EBAG9: variants seen among roughly 807,000 people sequenced by gnomAD.
EBAG9 encodes receptor-binding cancer antigen expressed on SiSo cells.
EBAG9 carries 16 observed loss-of-function variants against 30.9 expected under a neutral mutation model. The observed-to-expected ratio is 0.52, with a 90% CI of 0.35 to 0.79. The LOEUF (loss-of-function observed/expected upper bound fraction) is 0.79. Ranked by LOEUF, EBAG9 falls within the 30% of genes least tolerant of loss-of-function variation. The pLI is 0.01. For synonymous variants in EBAG9, 93 were observed against 82.8 expected (o/e 1.12, Z -0.67); for missense variants, 197 against 242.1 (o/e 0.81, Z 1.24).
At chr8:109,546,571 G>A (rs1361676993) in intron 1 of EBAG9, among the ~76,000 whole-genome samples, 1 of 152,188 alleles carries the variant, frequency 6.6e-6, no homozygotes, top group Non-Finnish European at 1.5e-5. Flanking sequence ...AGCCCAGGAT[G>A]GCTTTGACTG....
In EBAG9 at chr8:109,554,714, A is replaced by G. The variant is rs1821561015; in HGVS notation, c.163-15A>G. On this transcript the variant is annotated splice_polypyrimidine_tract_variant and intron_variant, in intron 3 of 6. Transcript: ENST00000337573. Reference sequence around the variant, plus strand: ...TGCCCCTTTGTGGCTGATAATGTTGATCAATTAAATTTAGACAGATGTTGA... The same window carrying G: ...TGCCCCTTTGTGGCTGATAATGTTGGTCAATTAAATTTAGACAGATGTTGA... The G allele has an allele frequency of 6.2e-7, 1 of 1,608,648 alleles. No homozygotes were observed. Among genetic ancestry groups the G allele is most frequent in the East Asian group, 2.2e-5 (1 of 44,800 alleles).
chr8:109,554,718 A>G lies in EBAG9; in HGVS notation c.163-11A>G. The G allele has an allele frequency of 1.2e-6, 2 of 1,609,760 alleles. No individual in the cohort carries two copies. Among genetic ancestry groups the G allele is most frequent in the East Asian group, 2.2e-5 (1 of 44,804 alleles). ...CCTTTGTGGCTGATAATGTTGATCA[A>G]TTAAATTTAGACAGATGTTGAAGAG... On this transcript the variant is annotated splice_polypyrimidine_tract_variant and intron_variant, in intron 3 of 6. Coordinates refer to ENST00000337573, the MANE Select transcript of EBAG9 (RefSeq NM_004215.5).
intron 1 of EBAG9, among the ~76,000 whole-genome samples, chr8:109,542,607 G>A (rs1433960046): frequency 6.6e-6 from 1 of 151,958 alleles, no homozygotes; most frequent in Non-Finnish European, 1.5e-5. Context: ...GAAAATTTAG[G>A]CTAATTTTCA....
rs536381456 is a variant in EBAG9 at position 109,553,948 on chromosome 8, G to GT, written c.162+13dup. On this transcript the variant is annotated splice_donor_region_variant and intron_variant, in intron 3 of 6. Coordinates refer to ENST00000337573, the MANE Select transcript of EBAG9 (RefSeq NM_004215.5). The stretch of plus-strand genomic sequence containing the variant: ...TATTCATCAGTTCCTAAGCAGGTAG[G>GT]TTTTTTTTGTGTGTTCTTTTGTTTT... 7.4e-5 allele frequency: 117 copies of GT among 1,586,544 alleles called. No individual in the cohort carries two copies. Among genetic ancestry groups the GT allele is most frequent in the South Asian group, 1.2e-4 (10 of 84,742 alleles).
intron 2 of EBAG9, among the ~76,000 whole-genome samples, chr8:109,552,261 T>TA (rs57058526): frequency 5.0e-4 from 74 of 147,564 alleles, no homozygotes; most frequent in Non-Finnish European, 6.7e-4. Context: ...GTCTGGGATT[T>TA]AAAAAAAAAA....
chr8:109,553,090 G>T (rs1156829116), intron 2 of EBAG9, among the ~76,000 whole-genome samples: 1 of 150,464 alleles, frequency 6.6e-6, no homozygotes, highest in East Asian at 2.0e-4. Context: ...TAGATTATTT[G>T]AAGTGAAGTA....
chr8:109,556,974 C>T lies in EBAG9; in HGVS notation c.361C>T (p.Pro121Ser), dbSNP rs866321465. The T allele has an allele frequency of 1.2e-6, 2 of 1,602,758 alleles. No individual in the cohort carries two copies. The part of the protein sequence containing the change: ...KKREPLNFGI[P>S]DGSTGFSSRL... ...GAGAGAACCATTGAATTTTGGCATC[C>T]CAGATGGGAGCACAGGTTTCTCTAG... The change falls in exon 5 of 7, where the codon CCA becomes TCA. Residue 121 changes from proline (P) to serine (S), a missense_variant. Pro to Ser is a moderately conservative substitution (Grantham distance 74). Coordinates refer to ENST00000337573, the MANE Select transcript of EBAG9 (RefSeq NM_004215.5).
At chr8:109,547,823 C>T (rs922211153) in intron 1 of EBAG9, among the ~76,000 whole-genome samples, 1 of 151,908 alleles carries the variant, frequency 6.6e-6, no homozygotes, top group Non-Finnish European at 1.5e-5. Flanking sequence ...ACCTTTTGCT[C>T]GTTTTTAAAT....
intron 1 of EBAG9, among the ~76,000 whole-genome samples, chr8:109,545,740 TAA>T (rs1315830085): frequency 6.6e-6 from 1 of 152,206 alleles, no homozygotes; most frequent in East Asian, 1.9e-4. Context: ...ATCTCTTTCA[TAA>T]AGACATATAT....
chr8:109,549,347 A>T (rs1487019603), intron 1 of EBAG9, among the ~76,000 whole-genome samples: 1 of 152,012 alleles, frequency 6.6e-6, no homozygotes, highest in Non-Finnish European at 1.5e-5. Context: ...GAATATTAAT[A>T]GTTTTCTTTT....
chr8:109,554,409 T>C (rs1358150930), intron 3 of EBAG9, among the ~76,000 whole-genome samples: 2 of 152,228 alleles, frequency 1.3e-5, no homozygotes, highest in East Asian at 1.9e-4. Flanking sequence ...CTGGATAGGC[T>C]TGGGTGAAAA....
In EBAG9 at chr8:109,564,427, G is replaced by A. The variant is rs73700655; in HGVS notation, c.522-12G>A. On this transcript the variant is annotated splice_polypyrimidine_tract_variant and intron_variant, in intron 6 of 6. Coordinates refer to ENST00000337573, the MANE Select transcript of EBAG9 (RefSeq NM_004215.5). ...TGGTATTTTCTAAAAGTAAAAGTAT[G>A]TTTCTTTTCAGACAGCAGAAACTAG... The A allele has an allele frequency of 2.4e-3, 3,871 of 1,609,596 alleles. 93 individuals carry two copies. The African/African-American group carries it at 0.046, about 19-fold the overall frequency.
At chr8:109,558,210 G>T (rs1821639749) in intron 5 of EBAG9, among the ~76,000 whole-genome samples, 1 of 152,150 alleles carries the variant, frequency 6.6e-6, no homozygotes. Context: ...GTATATGTAT[G>T]TTTTTAATTC....
At chr8:109,551,123 C>G (rs972948248) in intron 2 of EBAG9, among the ~76,000 whole-genome samples, 4 of 151,962 alleles carry the variant, frequency 2.6e-5, no homozygotes, top group South Asian at 2.1e-4. Flanking sequence ...CAAATTCTTA[C>G]ACTTTCCACT....
intron 1 of EBAG9, among the ~76,000 whole-genome samples, chr8:109,544,319 T>A (rs752089922): frequency 1.6e-4 from 25 of 152,190 alleles, no homozygotes; most frequent in Non-Finnish European, 2.5e-4. Context: ...AAAAAAACTA[T>A]CAAATTACTG....
intron 1 of EBAG9, 83 bp from the exon 2 acceptor site, chr8:109,550,726 TA>T: frequency 1.4e-6 from 1 of 707,116 alleles, no homozygotes; most frequent in Non-Finnish European, 2.5e-6. Flanking sequence ...AGATTTTTCT[TA>T]GTGCATAATA....
chr8:109,560,981 C>A (rs1259833971), intron 6 of EBAG9, 52 bp downstream of exon 6: 1 of 1,497,994 alleles, frequency 6.7e-7, no homozygotes. Context: ...TAGATTTCTT[C>A]CCTGCTGTGT....
chr8:109,563,930 A>G (rs1160715091), intron 6 of EBAG9, among the ~76,000 whole-genome samples: 1 of 151,884 alleles, frequency 6.6e-6, no homozygotes, highest in East Asian at 1.9e-4. Context: ...GTGTATCTTA[A>G]GTTTCCATTT....
rs1821570279 is a variant in EBAG9, at chr8:109,555,034, G to A, written c.321+147G>A. On this transcript the variant is annotated intron_variant, in intron 4 of 6. Coordinates refer to ENST00000337573, the MANE Select transcript of EBAG9 (RefSeq NM_004215.5). ...GTTTTAGGGTACATGTGCACAACAT[G>A]CAGGTTAGTTACATATGTATACATG... The A allele has an allele frequency of 3.8e-6, 3 of 789,214 alleles. No individual in the cohort carries two copies. The South Asian group carries it at 5.8e-5, about 15-fold the overall frequency. The allele number at this position is 789,214 out of a possible 1,614,324, so 48.9% of individuals were successfully genotyped here.
Sources: allele counts gnomAD v4.1 joint callset (sites outside exome capture counted in the v4.1 genomes callset), GRCh38; gene constraint gnomAD v4.1.1; transcripts MANE v1.5; gene names NCBI Gene and HGNC (gene_info 2026-07-23, HGNC 2026-07-21).